The following NYAP2 variants were observed in gnomAD, a reference collection of about 807,000 sequenced individuals.
The protein encoded by NYAP2 is neuronal tyrosine-phosphorylated phosphoinositide-3-kinase adapter 2.
In NYAP2, 23 loss-of-function variants were observed where a neutral mutation model predicts 50.4. That is an observed-to-expected ratio of 0.46 (90% CI 0.33 to 0.65). NYAP2 has a LOEUF of 0.65. Among genes scored for constraint, NYAP2 ranks in the 30% least tolerant of loss-of-function variants. The pLI is 0.02. For synonymous variants in NYAP2, 394 were observed against 365.2 expected (o/e 1.08, Z -0.90); for missense variants, 885 against 861.0 (o/e 1.03, Z -0.35).
intron 3 of NYAP2, among the ~76,000 whole-genome samples, chr2:225,429,627 T>C (rs776518931): frequency 1.3e-5 from 2 of 152,220 alleles, no homozygotes; most frequent in Non-Finnish European, 2.9e-5. Context: ...TATTTAATTG[T>C]ATACTGATAA....
intron 3 of NYAP2, among the ~76,000 whole-genome samples, chr2:225,491,636 G>C (rs1409873847): frequency 6.6e-6 from 1 of 152,166 alleles, no homozygotes; most frequent in Non-Finnish European, 1.5e-5. Flanking sequence ...TTGCAAAACT[G>C]TATGCCACAG....
chr2:225,535,237 T>C (rs780634644), intron 4 of NYAP2, among the ~76,000 whole-genome samples: 3 of 152,212 alleles, frequency 2.0e-5, no homozygotes, highest in Admixed American at 6.5e-5. Flanking sequence ...GTTTCTCCAG[T>C]ATCTTCTATG....
chr2:225,537,379 T>C (rs1430974356), intron 4 of NYAP2, among the ~76,000 whole-genome samples: 1 of 152,164 alleles, frequency 6.6e-6, no homozygotes, highest in Non-Finnish European at 1.5e-5. Context: ...GACTGGGCAA[T>C]TTATAAAATA....
chr2:225,603,233 C>G (rs988598399), intron 5 of NYAP2, among the ~76,000 whole-genome samples: 2 of 152,120 alleles, frequency 1.3e-5, no homozygotes, highest in African/African-American at 4.8e-5. Context: ...TTCAGTCTTT[C>G]ATTCGTTCAA....
chr2:225,563,570 G>A lies in NYAP2; in HGVS notation c.524-18371G>A, dbSNP rs76209340. Among the ~76,000 whole-genome samples, 1,144 of 152,178 alleles carry A rather than the reference G, an allele frequency of 7.5e-3. 15 individuals are homozygous for A. The highest frequency in any genetic ancestry group is 0.026 in the African/African-American group (1,092 of 41,510). On this transcript the variant is annotated intron_variant, in intron 4 of 6. Coordinates refer to ENST00000636099, the Ensembl canonical transcript of NYAP2. The stretch of plus-strand genomic sequence containing the variant: ...ATTGGAGGGGTAAAGGAATGGGTTC[G>A]TGACATGGTCACAGCTAATTGATTA...
intron 3 of NYAP2, among the ~76,000 whole-genome samples, chr2:225,410,993 G>A (rs1263599808): frequency 1.3e-5 from 2 of 152,080 alleles, no homozygotes; most frequent in Non-Finnish European, 2.9e-5. Flanking sequence ...TATGTTAATA[G>A]CATAAAAGTA....
intron 3 of NYAP2, among the ~76,000 whole-genome samples, chr2:225,485,526 G>A (rs944354866): frequency 1.3e-5 from 2 of 152,190 alleles, no homozygotes; most frequent in Non-Finnish European, 2.9e-5. Flanking sequence ...ACTCCCTTTA[G>A]ACTCTGGCTT....
At chr2:225,652,127 C>A (rs1284394927) in exon 7 of NYAP2, 1 of 152,164 alleles carries the variant, frequency 6.6e-6, no homozygotes, top group Non-Finnish European at 1.5e-5. Flanking sequence ...ATATTCATAT[C>A]CCGATTCATT....
chr2:225,671,354 G>C, the NYAP2 span, among the ~76,000 whole-genome samples: 2 of 151,804 alleles, frequency 1.3e-5, no homozygotes, highest in Non-Finnish European at 2.9e-5. Flanking sequence ...CTTTACCAGG[G>C]GTGCATTTCA....
At chr2:225,518,128 A>G (rs1324685506) in intron 4 of NYAP2, among the ~76,000 whole-genome samples, 1 of 151,792 alleles carries the variant, frequency 6.6e-6, no homozygotes, top group Non-Finnish European at 1.5e-5. Flanking sequence ...ACACACACAA[A>G]CACACACACA....
chr2:225,400,665 A>G (rs1694845064), exon 2 of NYAP2: 1 of 152,046 alleles, frequency 6.6e-6, no homozygotes, highest in Non-Finnish European at 1.5e-5. Context: ...TCCCTGCTGG[A>G]CCTGGAAGGA....
chr2:225,462,843 C>G (rs546824092), intron 3 of NYAP2, among the ~76,000 whole-genome samples: 1 of 152,220 alleles, frequency 6.6e-6, no homozygotes, highest in Non-Finnish European at 1.5e-5. Flanking sequence ...CTGTTTACCC[C>G]AAGAGCATTT....
intron 4 of NYAP2, among the ~76,000 whole-genome samples, chr2:225,529,928 C>G (rs552012663): frequency 6.6e-6 from 1 of 151,286 alleles, no homozygotes; most frequent in Non-Finnish European, 1.5e-5. Flanking sequence ...AGGATGGTCT[C>G]GATCTTCTGA....
chr2:225,599,338 C>T (rs1055374837), intron 5 of NYAP2, among the ~76,000 whole-genome samples: 10 of 152,278 alleles, frequency 6.6e-5, no homozygotes, highest in African/African-American at 2.4e-4. Flanking sequence ...AGAATATGAT[C>T]TTCAGATACC....
chr2:225,525,826 C>T (rs184540428), intron 4 of NYAP2, among the ~76,000 whole-genome samples: 229 of 152,244 alleles, frequency 1.5e-3, no homozygotes, highest in African/African-American at 5.4e-3. Flanking sequence ...ATGTGGTAGG[C>T]AGAATTCTAA....
chr2:225,686,711 C>T, the NYAP2 span, among the ~76,000 whole-genome samples: 2 of 152,164 alleles, frequency 1.3e-5, no homozygotes, highest in South Asian at 4.1e-4. Context: ...GGAGGTTCTA[C>T]CAGTGAGTAA....
intron 5 of NYAP2, among the ~76,000 whole-genome samples, chr2:225,614,095 T>G (rs1314373407): frequency 6.6e-6 from 1 of 152,242 alleles, no homozygotes; most frequent in African/African-American, 2.4e-5. Flanking sequence ...TCAGTAAGAG[T>G]TGTTTCCTCA....
chr2:225,540,759 T>C (rs1451333455), intron 4 of NYAP2, among the ~76,000 whole-genome samples: 2 of 152,222 alleles, frequency 1.3e-5, no homozygotes, highest in Non-Finnish European at 2.9e-5. Context: ...GGAGTGCAGA[T>C]GTCTCTTTGA....
chr2:225,644,213 G>A (rs1369411488), intron 6 of NYAP2, among the ~76,000 whole-genome samples: 3 of 152,180 alleles, frequency 2.0e-5, no homozygotes, highest in South Asian at 2.1e-4. Context: ...ATTTTTTCAT[G>A]TGTTTTTTGG....
Sources: gnomAD v4.1 joint callset for allele counts (sites outside exome capture counted in the v4.1 genomes callset) on GRCh38, gnomAD v4.1.1 for gene constraint, MANE v1.5 for transcripts, NCBI Gene and HGNC (gene_info 2026-07-23, HGNC 2026-07-21) for gene names.